Variants in ARHGAP45 observed in about 807,000 individuals in gnomAD.
ARHGAP45 encodes the protein Rho GTPase activating protein 45.
ARHGAP45 carries 56 observed loss-of-function variants against 116.1 expected under a neutral mutation model. The observed-to-expected ratio is 0.48, with a 90% confidence interval of 0.39 to 0.60. The LOEUF is 0.60. ARHGAP45 is among the 20% of genes least tolerant of loss of function. ARHGAP45 has a pLI of 0.00. For synonymous variants in ARHGAP45, 866 were observed against 701.7 expected (o/e 1.23, Z -3.70); for missense variants, 1,622 against 1,601.0 (o/e 1.01, Z -0.22).
At chr19:1,085,451 C>G (rs2043581359) in intron 22 of ARHGAP45, among the ~76,000 whole-genome samples, 2 of 151,774 alleles carry the variant, frequency 1.3e-5, no homozygotes, top group South Asian at 4.2e-4. Flanking sequence ...CTCCCCTTGT[C>G]TCTCTCTCCT....
In ARHGAP45 at chr19:1,071,266, C is replaced by A; in HGVS notation, c.422-1883C>A. The A allele has an allele frequency of 6.8e-7, 1 of 1,480,620 alleles. No individual in the cohort carries two copies. Among genetic ancestry groups the A allele is most frequent in the Non-Finnish European group, 8.9e-7 (1 of 1,120,378 alleles). 91.7% of individuals were successfully genotyped at this position (1,480,620 alleles called of 1,614,324 possible). A position where few individuals can be genotyped will look rare whatever the true frequency, so the allele number is the denominator to read the frequency against. ...CTGCCAGGCCCCACGCGCTCGCGGT[C>A]TCCGCGCCCCGACGGCTGCGCCATG... On this transcript the variant is annotated intron_variant, in intron 2 of 22. Coordinates refer to ENST00000313093, the MANE Select transcript of ARHGAP45 (RefSeq NM_012292.5). This position sits in a 1 kb window ranked among gnomAD's most constrained non-coding sequence, Gnocchi z 4.6.
chr19:1,079,603 C>A, intron 11 of ARHGAP45, 100 bp from the exon 12 acceptor site: 1 of 1,468,032 alleles, frequency 6.8e-7, no homozygotes, highest in Non-Finnish European at 9.2e-7. Context: ...CCTCCCGAGG[C>A]GCTGGGATGA....
At chr19:1,081,304 C>G (rs2043426760) in intron 17 of ARHGAP45, 1 of 641,378 alleles carries the variant, frequency 1.6e-6, no homozygotes, top group Non-Finnish European at 2.6e-6. Flanking sequence ...GGGGCTGTGG[C>G]CAGAAGACCT....
In ARHGAP45 at chr19:1,085,787, A is replaced by G; in HGVS notation, c.3192A>G (p.Leu1064=). The G allele has an allele frequency of 1.2e-6, 2 of 1,612,822 alleles. No homozygotes were observed. Among genetic ancestry groups the G allele is most frequent in the Non-Finnish European group, 1.7e-6 (2 of 1,179,886 alleles). Reference sequence around the variant, plus strand: ...AGCAGCAGCAGAGCGAGGCCAGCCTAGAGGTGGCTTCTGGCAGCCACAGCG... The same window carrying G: ...AGCAGCAGCAGAGCGAGGCCAGCCTGGAGGTGGCTTCTGGCAGCCACAGCG... The part of the protein sequence containing the change: ...FLEQQQSEAS[L]EVASGSHSGS... The change falls in exon 23 of 23, where the codon CTA becomes CTG. Residue 1064 remains leucine, a synonymous_variant. Coordinates refer to ENST00000313093, the MANE Select transcript of ARHGAP45 (RefSeq NM_012292.5).
rs1420751240 is a variant in ARHGAP45 at position 1,086,436 on chromosome 19, G to T, written c.*430G>T. 5.7e-6 allele frequency: 1 copy of T among 176,794 alleles called. No homozygotes were observed. Among genetic ancestry groups the T allele is most frequent in the African/African-American group, 2.4e-5 (1 of 41,970 alleles). 11.0% of individuals were successfully genotyped at this position (176,794 alleles called of 1,614,324 possible). ...AACCATTCTGGGAGCCGTGGATGGG[G>T]GCGGAGCTGGGGTTTGGTGCAGTTT... is the stretch of plus-strand genomic sequence containing the variant. On this transcript the variant is annotated 3_prime_UTR_variant, in exon 23 of 23. Coordinates refer to ENST00000313093, the MANE Select transcript of ARHGAP45 (RefSeq NM_012292.5).
chr19:1,085,522 G>C lies in ARHGAP45; in HGVS notation c.3065-138G>C, dbSNP rs943137670. 4.1e-5 allele frequency: 26 copies of C among 627,484 alleles called. No homozygotes were observed. The Admixed American group carries it at 5.5e-4, about 13-fold the overall frequency. 38.9% of individuals were successfully genotyped at this position (627,484 alleles called of 1,614,324 possible). A position where few individuals can be genotyped will look rare whatever the true frequency, so the allele number is the denominator to read the frequency against. Reference sequence around the variant, plus strand: ...CCCTTGTCTCTCCTCCATCTCTCCTGTCTCTCCCCATCTCTCCTGTCTCTC... The same window carrying C: ...CCCTTGTCTCTCCTCCATCTCTCCTCTCTCTCCCCATCTCTCCTGTCTCTC... On this transcript the variant is annotated intron_variant, in intron 22 of 22. Coordinates refer to ENST00000313093, the MANE Select transcript of ARHGAP45 (RefSeq NM_012292.5).
chr19:1,068,863 G>C lies in ARHGAP45; in HGVS notation c.421+119G>C. On this transcript the variant is annotated intron_variant, in intron 2 of 22. Transcript: ENST00000313093. The surrounding 1 kb of genome is among the most constrained non-coding windows in gnomAD (Gnocchi z 7.5). ...GGAGGCTCAGATGGCAGGGAGGGCT[G>C]TGTGGAAGAGGCCATGACAGCTAAG... The C allele has an allele frequency of 1.1e-6, 1 of 950,006 alleles. No homozygotes were observed. Among genetic ancestry groups the C allele is most frequent in the Non-Finnish European group, 1.6e-6 (1 of 620,180 alleles). 58.8% of individuals were successfully genotyped at this position (950,006 alleles called of 1,614,324 possible).
At chr19:1,078,698 C>T (rs1390792281) in intron 11 of ARHGAP45, among the ~76,000 whole-genome samples, 38 of 147,816 alleles carry the variant, frequency 2.6e-4, no homozygotes, top group Middle Eastern at 7.5e-3. Flanking sequence ...CATGAGCCAC[C>T]GCGCCCGGCC....
Position 1,081,808 on chromosome 19 carries a change from C to T in ARHGAP45, c.2380-16C>T, listed in dbSNP as rs1176090756. 1 of 1,596,972 alleles carries T rather than the reference C, an allele frequency of 6.3e-7. No homozygotes were observed. Among genetic ancestry groups the T allele is most frequent in the South Asian group, 1.1e-5 (1 of 89,308 alleles). ...GGCCGAGGCTGATGGGCCTCCCCAC[C>T]CCCGGGCTCCCGCAGGGCATCTACC... On this transcript the variant is annotated splice_polypyrimidine_tract_variant and intron_variant, in intron 18 of 22. Transcript: ENST00000313093.
At chr19:1,066,283 G>A, upstream of ARHGAP45, 1 of 755,940 alleles carries the variant, frequency 1.3e-6, no homozygotes, top group Middle Eastern at 3.6e-4. Context: ...ACTGCGGGGT[G>A]GGGGTTGGGG....
In ARHGAP45 at chr19:1,077,922, C is replaced by A. The variant is rs1458762302; in HGVS notation, c.1251C>A (p.Asp417Glu). ...ACGTGCAGCGCTGCGAGGACCACGA[C>A]AAGGCTCGCTTCCTCGTGGCCAAGG... Reference protein sequence around the residue: ...QGYVQRCEDHDKARFLVAKAE... With the variant: ...QGYVQRCEDHEKARFLVAKAE... Residue 417 changes from aspartate to glutamate, a missense_variant, in exon 11 of 23, where the codon GAC (aspartate) becomes GAA (glutamate). Asp to Glu is a conservative substitution (Grantham distance 45). Transcript: ENST00000313093. The A allele has an allele frequency of 6.4e-7, 1 of 1,553,976 alleles. No homozygotes were observed. Among genetic ancestry groups the A allele is most frequent in the South Asian group, 1.2e-5 (1 of 84,252 alleles).
intron 10 of ARHGAP45, 64 bp downstream of exon 10, chr19:1,074,943 GC>G: frequency 7.3e-7 from 1 of 1,372,224 alleles, no homozygotes; most frequent in Non-Finnish European, 9.6e-7. Context: ...CGCAGTCCCA[GC>G]CCCAGCCCCA....
intron 5 of ARHGAP45, 65 bp from the exon 6 acceptor site, chr19:1,073,883 C>A: frequency 6.5e-7 from 1 of 1,531,690 alleles, no homozygotes; most frequent in East Asian, 2.4e-5. Flanking sequence ...CAACCGTCCC[C>A]TGAAGGGTGG....
At chr19:1,066,556 A>T (rs1016126210), upstream of ARHGAP45, 2 of 197,544 alleles carry the variant, frequency 1.0e-5, no homozygotes, top group Non-Finnish European at 2.1e-5. Flanking sequence ...TCCACACCAC[A>T]CTTTGGGGAC....
In ARHGAP45 at chr19:1,071,569, G is replaced by C. The variant is rs1442599275; in HGVS notation, c.422-1580G>C. On this transcript the variant is annotated intron_variant, in intron 2 of 22. Transcript: ENST00000313093. This position sits in a 1 kb window ranked among gnomAD's most constrained non-coding sequence, Gnocchi z 4.6. Reference sequence around the variant, plus strand: ...GGGACAGCCGGGGGTCCGTGCGCCGGCCGCGCGCGGAGTGCCGGGTGCCCG... The same window carrying C: ...GGGACAGCCGGGGGTCCGTGCGCCGCCCGCGCGCGGAGTGCCGGGTGCCCG... The C allele has an allele frequency of 9.9e-6, 2 of 201,542 alleles. No homozygotes were observed. The highest frequency in any genetic ancestry group is 4.7e-5 in the African/African-American group (2 of 42,206). 12.5% of individuals were successfully genotyped at this position (201,542 alleles called of 1,614,324 possible). A position where few individuals can be genotyped will look rare whatever the true frequency, so the allele number is the denominator to read the frequency against.
chr19:1,085,071 G>C (rs1410249271), intron 22 of ARHGAP45, among the ~76,000 whole-genome samples: 1 of 152,142 alleles, frequency 6.6e-6, no homozygotes, highest in Non-Finnish European at 1.5e-5. Context: ...AAGAGAGAGA[G>C]ACTCTGTCTC....
intron 10 of ARHGAP45, among the ~76,000 whole-genome samples, chr19:1,075,114 C>G (rs575614790): frequency 1.3e-5 from 2 of 152,074 alleles, no homozygotes; most frequent in East Asian, 3.8e-4. Flanking sequence ...CCGGCGCTCA[C>G]TGCTGTCCCT....
intron 3 of ARHGAP45, 105 bp from the exon 4 acceptor site, chr19:1,073,401 A>C (rs1442798102): frequency 6.4e-7 from 1 of 1,569,102 alleles, no homozygotes. Context: ...TGACAGGCAC[A>C]AGCTCCCTCC....
upstream of ARHGAP45, chr19:1,066,287 G>A: frequency 3.1e-6 from 2 of 635,788 alleles, no homozygotes; most frequent in East Asian, 4.2e-5. Context: ...CGGGGTGGGG[G>A]TTGGGGGAAG....
Sources: gnomAD v4.1 joint callset for allele counts (sites outside exome capture counted in the v4.1 genomes callset) on GRCh38, gnomAD v4.1.1 for gene constraint, Gnocchi (gnomAD v3.1) non-coding constraint, MANE v1.5 for transcripts, NCBI Gene and HGNC (gene_info 2026-07-23, HGNC 2026-07-21) for gene names.